The following FAAP20 variants were observed in gnomAD, a reference collection of about 807,000 sequenced individuals.
The protein encoded by FAAP20 is Fanconi anemia core complex-associated protein 20.
In FAAP20, 12 loss-of-function variants were observed where a neutral mutation model predicts 16.2. The observed-to-expected ratio is 0.74, with a 90% CI of 0.48 to 1.20. The LOEUF is 1.20. Ranked by LOEUF, FAAP20 falls within the 50% of genes most tolerant of loss-of-function variation. The probability of loss-of-function intolerance (pLI) is 0.00; values close to 1 mark genes in which losing one functional copy is unlikely to be tolerated. For synonymous variants in FAAP20, 141 were observed against 110.7 expected (o/e 1.27, Z -1.72); for missense variants, 288 against 245.8 (o/e 1.17, Z -1.15).
upstream of FAAP20, chr1:2,203,744 C>G (rs1689135637): frequency 1.5e-6 from 1 of 668,706 alleles, no homozygotes; most frequent in African/African-American, 2.0e-5. Flanking sequence ...GGCCTCAGGG[C>G]ACCACACTAC....
At chr1:2,190,532 C>T (rs1423721388) in intron 3 of FAAP20, 3 of 412,396 alleles carry the variant, frequency 7.3e-6, no homozygotes, top group African/African-American at 2.0e-5. Context: ...CTGGAAATGA[C>T]CATCACCAGG....
intron 3 of FAAP20, chr1:2,193,201 C>T (rs1688443954): frequency 6.3e-6 from 2 of 315,490 alleles, no homozygotes; most frequent in Admixed American, 8.5e-5. Flanking sequence ...TTCCCCTTTA[C>T]TTAAAAAATA....
chr1:2,184,785 T>A, downstream of FAAP20: 4 of 1,429,148 alleles, frequency 2.8e-6, no homozygotes, highest in Non-Finnish European at 3.9e-6. Flanking sequence ...TGACCCAGCC[T>A]GCCCTTGAGT....
At chr1:2,199,006 G>A (rs977179801), upstream of FAAP20, 23 of 1,264,778 alleles carry the variant, frequency 1.8e-5, no homozygotes, top group Non-Finnish European at 2.2e-5. This position sits in a 1 kb window ranked among gnomAD's most constrained non-coding sequence, Gnocchi z 4.5. Context: ...AAGAGTAGGG[G>A]TGTGCCTTGG....
At chr1:2,187,835 A>G (rs1178274172), downstream of FAAP20, among the ~76,000 whole-genome samples, 2 of 152,168 alleles carry the variant, frequency 1.3e-5, no homozygotes, top group African/African-American at 2.4e-5. Flanking sequence ...GGGTGTGGAC[A>G]GGCACGTGAC....
intron 1 of FAAP20, 173 bp from the exon 2 acceptor site, chr1:2,194,306 G>C: frequency 1.6e-6 from 1 of 625,848 alleles, no homozygotes; most frequent in Non-Finnish European, 2.6e-6. Context: ...GGGGCAGACA[G>C]TGCGGAGATG....
chr1:2,198,552 C>A, upstream of FAAP20: 1 of 718,148 alleles, frequency 1.4e-6, no homozygotes. Flanking sequence ...TGACACCCTG[C>A]AAATCAGGCT....
chr1:2,212,490 G>C (rs1279145514), intron 1 of FAAP20: 1 of 159,766 alleles, frequency 6.3e-6, no homozygotes, highest in East Asian at 1.9e-4. Context: ...GGGTATGGGA[G>C]GGGGCCAGGG....
chr1:2,192,715 G>A, intron 3 of FAAP20: 1 of 1,166,924 alleles, frequency 8.6e-7, no homozygotes, highest in Admixed American at 3.0e-5. Context: ...CTGGCTCAAG[G>A]GAATCCTCCC....
chr1:2,190,419 G>A (rs1688076865), intron 3 of FAAP20: 2 of 445,964 alleles, frequency 4.5e-6, no homozygotes, highest in African/African-American at 4.0e-5. Flanking sequence ...TCCGAGTCCT[G>A]CAGGTCAGCG....
chr1:2,199,473 G>C, upstream of FAAP20: 1 of 996,076 alleles, frequency 1.0e-6, no homozygotes, highest in Non-Finnish European at 1.2e-6. The surrounding 1 kb of genome is among the most constrained non-coding windows in gnomAD (Gnocchi z 4.5). Context: ...CTCAGATGCT[G>C]ATTGGTCTAC....
chr1:2,192,035 C>T, intron 3 of FAAP20: 1 of 985,584 alleles, frequency 1.0e-6, no homozygotes. Flanking sequence ...CAGCTCCACT[C>T]CCCAGACCCG....
At chr1:2,211,867 G>T (rs1422309563), downstream of FAAP20, among the ~76,000 whole-genome samples, 2 of 150,224 alleles carry the variant, frequency 1.3e-5, no homozygotes, top group African/African-American at 4.9e-5. Flanking sequence ...TTACAGGCGT[G>T]AGCCACCGTG....
chr1:2,189,601 G>GGGGGAGCCGAGAGGCGGGGCTGCTGGC lies in FAAP20; in HGVS notation c.*81_*107dup. ...GCCCGCCCTGCTTTAATGCGCATGC[G>GGGGGAGCCGAGAGGCGGGGCTGCTGGC]GGGGAGCCGAGAGGCGGGGCTGCTG... On this transcript the variant is annotated 3_prime_UTR_variant, in exon 4 of 4. Transcript: ENST00000378546. 1.2e-6 allele frequency: 1 copy of GGGGGAGCCGAGAGGCGGGGCTGCTGGC among 809,518 alleles called. No homozygotes were observed. The highest frequency in any genetic ancestry group is 2.0e-6 in the Non-Finnish European group (1 of 499,302). The allele number at this position is 809,518 out of a possible 1,614,324, so 50.1% of individuals were successfully genotyped here. A position where few individuals can be genotyped will look rare whatever the true frequency, so the allele number is the denominator to read the frequency against.
downstream of FAAP20, chr1:2,185,032 G>C (rs1687370560): frequency 1.9e-6 from 3 of 1,586,932 alleles, no homozygotes; most frequent in African/African-American, 4.0e-5. Context: ...CTCTGTCGTG[G>C]ACACGCGTGA....
At chr1:2,207,780 C>T (rs923062871), downstream of FAAP20, 2 of 152,478 alleles carry the variant, frequency 1.3e-5, no homozygotes, top group Admixed American at 6.5e-5. Flanking sequence ...AGAGCTCTGT[C>T]CCGGCTCCAG....
chr1:2,204,526 G>A (rs551093321), upstream of FAAP20, among the ~76,000 whole-genome samples: 3 of 152,220 alleles, frequency 2.0e-5, no homozygotes, highest in Non-Finnish European at 2.9e-5. Context: ...GGCTCCGGGC[G>A]TCAGCTTGGA....
At chr1:2,185,266 C>T (rs928631092), downstream of FAAP20, 7 of 715,578 alleles carry the variant, frequency 9.8e-6, no homozygotes, top group African/African-American at 1.2e-4. Context: ...GGGGACCCTG[C>T]CGAGGGGGCT....
downstream of FAAP20, among the ~76,000 whole-genome samples, chr1:2,187,792 C>T (rs538826982): frequency 7.0e-4 from 106 of 152,304 alleles, 2 homozygotes; most frequent in South Asian, 0.019. Flanking sequence ...CCAGAGTTCC[C>T]GCCCAGCTCG....
Sources: allele counts gnomAD v4.1 joint callset (sites outside exome capture counted in the v4.1 genomes callset), GRCh38; gene constraint gnomAD v4.1.1; non-coding constraint Gnocchi (gnomAD v3.1); transcripts MANE v1.5; gene names NCBI Gene and HGNC (gene_info 2026-07-23, HGNC 2026-07-21).